Variants in RFFL observed in about 807,000 individuals in gnomAD.
RFFL encodes E3 ubiquitin-protein ligase rififylin.
A neutral mutation model predicts 40.4 loss-of-function variants in RFFL; 16 were observed. That is an observed-to-expected ratio of 0.40 (90% CI 0.27 to 0.60). RFFL has a LOEUF of 0.60. Ranked by LOEUF, RFFL falls within the 20% of genes least tolerant of loss-of-function variation. The pLI, the probability that RFFL is intolerant of heterozygous loss-of-function variation, is 0.47. For missense variants in RFFL, 367 were observed against 451.7 expected (o/e 0.81, Z 1.70); for synonymous variants, 154 against 167.9 (o/e 0.92, Z 0.64).
At chr17:35,069,380 C>T in intron 1 of RFFL, 1 of 456,150 alleles carries the variant, frequency 2.2e-6, no homozygotes. Flanking sequence ...GATAAGATTA[C>T]CTGTTCACCT....
At chr17:35,022,713 C>G (rs543694525) in intron 2 of RFFL, among the ~76,000 whole-genome samples, 1 of 152,294 alleles carries the variant, frequency 6.6e-6, no homozygotes, top group African/African-American at 2.4e-5. Flanking sequence ...AATTCCCCAC[C>G]CACTGCTCCA....
chr17:35,077,873 T>G lies in RFFL; in HGVS notation c.-9+11232A>C, dbSNP rs188117383. 3.5e-3 allele frequency among the ~76,000 whole-genome samples: 531 copies of G among 152,328 alleles called. 3 individuals are homozygous for G. The highest frequency in any genetic ancestry group is 0.012 in the African/African-American group (506 of 41,566). ...TGGCACACCCCAGACTATAATCTAA[T>G]GGAAAGAGCACAAATCCACAGTAGT... is the stretch of plus-strand genomic sequence containing the variant. On this transcript the variant is annotated intron_variant, in intron 1 of 6. Transcript: ENST00000315249.
At chr17:35,073,138 C>T (rs1198773813) in intron 1 of RFFL, among the ~76,000 whole-genome samples, 1 of 152,032 alleles carries the variant, frequency 6.6e-6, no homozygotes, top group African/African-American at 2.4e-5. Context: ...ATGTTTCATA[C>T]TATTTTGCAG....
At position 35,021,804 on chromosome 17, in the gene RFFL, G is replaced by A. The variant is rs772016518; in HGVS notation, c.181-23C>T. The stretch of plus-strand genomic sequence containing the variant: ...CTGCTGCTTAGAGCAAAAGACACAG[G>A]AAACCATGTCAGATTGAGAGAACAA... On this transcript the variant is annotated intron_variant, in intron 2 of 6. Transcript: ENST00000394597. The A allele has an allele frequency of 1.9e-6, 3 of 1,613,686 alleles. No individual in the cohort carries two copies. In the South Asian group the frequency reaches 3.3e-5, roughly 18 times the overall value.
At chr17:35,054,756 C>G (rs1335211209) in intron 1 of RFFL, among the ~76,000 whole-genome samples, 2 of 152,130 alleles carry the variant, frequency 1.3e-5, no homozygotes, top group Admixed American at 6.6e-5. Flanking sequence ...TCAGACAGAA[C>G]TCATAGTCTT....
intron 3 of RFFL, among the ~76,000 whole-genome samples, chr17:35,020,421 T>G (rs1427247337): frequency 6.7e-6 from 1 of 149,422 alleles, no homozygotes; most frequent in Admixed American, 6.8e-5. Context: ...TGAACTCTGT[T>G]GTGAACTGCG....
chr17:35,086,080 G>T (rs550237038), intron 1 of RFFL, among the ~76,000 whole-genome samples: 29 of 152,234 alleles, frequency 1.9e-4, no homozygotes, highest in African/African-American at 6.5e-4. Context: ...CCTACTAAGA[G>T]CCAAATTAGT....
chr17:35,082,852 A>G (rs952109537), intron 1 of RFFL, among the ~76,000 whole-genome samples: 7 of 152,220 alleles, frequency 4.6e-5, no homozygotes, highest in African/African-American at 1.7e-4. Context: ...GAGGTTAAGT[A>G]ATTTGCCTAA....
intron 1 of RFFL, among the ~76,000 whole-genome samples, chr17:35,039,901 C>G (rs2091152100): frequency 6.6e-6 from 1 of 151,078 alleles, no homozygotes; most frequent in African/African-American, 2.4e-5. Flanking sequence ...TCTCAAACAC[C>G]CAACCACAGG....
At position 35,006,450 on chromosome 17, in the gene RFFL, G is replaced by C. The variant is rs1320553347; in HGVS notation, c.*5518C>G. On this transcript the variant is annotated 3_prime_UTR_variant, in exon 7 of 7. Transcript: ENST00000394597. The stretch of plus-strand genomic sequence containing the variant: ...AACATCTAAGCCTCAATCCCTCCAA[G>C]TAGAATGGGTGCACCTAAATCATAG... 6.6e-6 allele frequency: 1 copy of C among 152,310 alleles called. No individual in the cohort carries two copies. The highest frequency in any genetic ancestry group is 2.4e-5 in the African/African-American group (1 of 41,438). The allele number at this position is 152,310 out of a possible 1,614,324, so 9.4% of individuals were successfully genotyped here.
chr17:35,028,657 C>T lies in RFFL; in HGVS notation c.-8-2096G>A, dbSNP rs1263774826. Reference sequence around the variant, plus strand: ...TAATCAGTTCACACAATAGAATGCTCTGCTGTCTCCTGACTCATTGTTTTA... The same window carrying T: ...TAATCAGTTCACACAATAGAATGCTTTGCTGTCTCCTGACTCATTGTTTTA... On this transcript the variant is annotated intron_variant, in intron 1 of 6. Coordinates refer to ENST00000394597, the MANE Select transcript of RFFL (RefSeq NM_001017368.2). Among the ~76,000 whole-genome samples the T allele has an allele frequency of 5.9e-5, 9 of 152,180 alleles. No individual in the cohort carries two copies. In the East Asian group the frequency reaches 9.6e-4, roughly 16 times the overall value.
chr17:35,073,866 G>A (rs2091363370), intron 1 of RFFL: 1 of 152,130 alleles, frequency 6.6e-6, no homozygotes, highest in South Asian at 2.1e-4. Context: ...TTAGCCAAAT[G>A]TGCTTTTAAG....
rs576342997 is a variant in RFFL, at chr17:35,086,264, C to T, written c.-9+2841G>A. Among the ~76,000 whole-genome samples, 10 of 152,190 alleles carry T rather than the reference C, an allele frequency of 6.6e-5. No homozygotes were observed. In the South Asian group the frequency reaches 2.1e-3, roughly 32 times the overall value. Reference sequence around the variant, plus strand: ...CTTTGGGAGGCCGAGGCCAGAGGATCGCTTGAGCTCAAGGCATTTGAGATC... The same window carrying T: ...CTTTGGGAGGCCGAGGCCAGAGGATTGCTTGAGCTCAAGGCATTTGAGATC... On this transcript the variant is annotated intron_variant, in intron 1 of 6. Transcript: ENST00000315249.
At chr17:35,038,728 T>C (rs1166053130) in intron 1 of RFFL, among the ~76,000 whole-genome samples, 1 of 152,202 alleles carries the variant, frequency 6.6e-6, no homozygotes, top group African/African-American at 2.4e-5. Flanking sequence ...AAAATCAGGA[T>C]AGTGGTCATC....
rs2090934440 is a variant in RFFL, at chr17:35,010,993, ATCTATTTCT to A, written c.*966_*974del. On this transcript the variant is annotated 3_prime_UTR_variant, in exon 7 of 7. Transcript: ENST00000394597. ...AGAAGAGCACAGGCTCTTTGCCTAA[ATCTATTTCT>A]TCAATGAAACCAAATTTAAAACTAC... is the stretch of plus-strand genomic sequence containing the variant. The A allele has an allele frequency of 6.6e-6, 1 of 152,222 alleles. No homozygotes were observed. Among genetic ancestry groups the A allele is most frequent in the South Asian group, 2.1e-4 (1 of 4,838 alleles). The allele number at this position is 152,222 out of a possible 1,614,324, so 9.4% of individuals were successfully genotyped here.
chr17:35,052,632 A>G (rs556436664), intron 1 of RFFL, among the ~76,000 whole-genome samples: 1 of 152,368 alleles, frequency 6.6e-6, no homozygotes, highest in Admixed American at 6.5e-5. Flanking sequence ...ATAAACAATG[A>G]GTAGAAACTT....
chr17:35,015,494 A>G (rs944732448), intron 5 of RFFL, among the ~76,000 whole-genome samples: 2 of 152,226 alleles, frequency 1.3e-5, no homozygotes, highest in Non-Finnish European at 2.9e-5. Context: ...TCTTGAAACA[A>G]TCCCAAAGGG....
At chr17:35,014,447 A>G (rs1299646243) in intron 6 of RFFL, among the ~76,000 whole-genome samples, 1 of 152,058 alleles carries the variant, frequency 6.6e-6, no homozygotes, top group Admixed American at 6.6e-5. Flanking sequence ...GATACATGCC[A>G]CCCCTCCTCT....
chr17:35,080,124 T>C (rs1394326571), intron 1 of RFFL, among the ~76,000 whole-genome samples: 1 of 152,118 alleles, frequency 6.6e-6, no homozygotes, highest in Non-Finnish European at 1.5e-5. Flanking sequence ...CCTTCCTCTC[T>C]CTCCAAATTA....
Sources: gnomAD v4.1 joint callset for allele counts (sites outside exome capture counted in the v4.1 genomes callset) on GRCh38, gnomAD v4.1.1 for gene constraint, MANE v1.5 for transcripts, NCBI Gene and HGNC (gene_info 2026-07-23, HGNC 2026-07-21) for gene names.